Variants in SYNE3 observed in about 807,000 individuals in gnomAD.
SYNE3 encodes nesprin-3.
A neutral mutation model predicts 111.2 loss-of-function variants in SYNE3; 100 were observed. The observed-to-expected ratio is 0.90, with a 90% CI of 0.77 to 1.06. SYNE3 has a LOEUF of 1.06. Among genes scored for constraint, SYNE3 ranks in the 50% least tolerant of loss-of-function variants. SYNE3 has a pLI of 0.00. For missense variants in SYNE3, 1,160 were observed against 1,240.3 expected (o/e 0.94, Z 0.97); for synonymous variants, 547 against 533.9 (o/e 1.02, Z -0.34).
At chr14:95,427,379 C>A (rs1030939247) in intron 17 of SYNE3, among the ~76,000 whole-genome samples, 1 of 152,190 alleles carries the variant, frequency 6.6e-6, no homozygotes, top group Admixed American at 6.5e-5. Context: ...GGCCTGACAT[C>A]AGTCAGGCCC....
chr14:95,479,849 G>C (rs985497178), intron 1 of SYNE3, among the ~76,000 whole-genome samples: 1 of 152,120 alleles, frequency 6.6e-6, no homozygotes, highest in Non-Finnish European at 1.5e-5. Context: ...GAAGGGGCGG[G>C]TAGGAGACAG....
At chr14:95,428,984 T>C (rs923295808) in intron 17 of SYNE3, among the ~76,000 whole-genome samples, 2 of 152,198 alleles carry the variant, frequency 1.3e-5, no homozygotes, top group Admixed American at 6.5e-5. Context: ...ATATGTGGAA[T>C]GTTTTCAAGT....
In SYNE3 at chr14:95,450,058, A is replaced by G; in HGVS notation, c.1322T>C (p.Leu441Pro). The G allele has an allele frequency of 6.4e-7, 1 of 1,569,492 alleles. No homozygotes were observed. Among genetic ancestry groups the G allele is most frequent in the Non-Finnish European group, 8.6e-7 (1 of 1,157,146 alleles). ...CAGAGGCCGCTGGAAATGCTGCCAC[A>G]GCTCCACCGCCGCGGCATTGCGCAG... is the stretch of plus-strand genomic sequence containing the variant. ...ARLRNAAAVE[L>P]WQHFQRPLQD... Residue 441 changes from leucine (L) to proline (P), a missense_variant, in exon 8 of 18, where the codon CTG becomes CCG. Physicochemically the swap from Leu to Pro is moderately conservative, Grantham distance 98. Coordinates refer to ENST00000682763, the MANE Select transcript of SYNE3 (RefSeq NM_152592.6).
Position 95,416,723 on chromosome 14 carries a change from G to A in SYNE3, c.*1103C>T, listed in dbSNP as rs1234790343. On this transcript the variant is annotated 3_prime_UTR_variant, in exon 18 of 18. Transcript: ENST00000682763. ...CTGTCTCCAGAGTCTTTTCTGGGAAGCGGAAGGAGAGCCCTTGAGACAGGC... is the reference window on the plus strand; with the variant it reads ...CTGTCTCCAGAGTCTTTTCTGGGAAACGGAAGGAGAGCCCTTGAGACAGGC... The A allele has an allele frequency of 6.6e-6, 1 of 152,396 alleles. No individual in the cohort carries two copies. The highest frequency in any genetic ancestry group is 1.9e-4 in the East Asian group (1 of 5,202). 9.4% of individuals were successfully genotyped at this position (152,396 alleles called of 1,614,324 possible). A position where few individuals can be genotyped will look rare whatever the true frequency, so the allele number is the denominator to read the frequency against.
At position 95,500,532 on chromosome 14, in the gene SYNE3, G is replaced by A. The variant is rs376009120; in HGVS notation, c.-15+16064C>T. ...TCTGGGACTTTGCTTTGGCCCAGCC[G>A]GACTCAGCGGGAGGAGGCTGCCTTC... On this transcript the variant is annotated intron_variant, in intron 1 of 17. Coordinates refer to ENST00000682763, the MANE Select transcript of SYNE3 (RefSeq NM_152592.6). The surrounding 1 kb of genome is among the most constrained non-coding windows in gnomAD (Gnocchi z 4.7). 5.3e-4 allele frequency among the ~76,000 whole-genome samples: 80 copies of A among 152,186 alleles called. No individual in the cohort carries two copies. Among genetic ancestry groups the A allele is most frequent in the Non-Finnish European group, 2.5e-4 (17 of 68,030 alleles).
chr14:95,474,423 C>G (rs1888754590), intron 2 of SYNE3, among the ~76,000 whole-genome samples: 1 of 152,222 alleles, frequency 6.6e-6, no homozygotes, highest in Admixed American at 6.5e-5. Context: ...CCTCACCCAC[C>G]TGCACAGCCC....
chr14:95,455,456 C>T lies in SYNE3; in HGVS notation c.1058G>A (p.Arg353Lys), dbSNP rs748070235. 4.6e-5 allele frequency: 74 copies of T among 1,608,748 alleles called. No individual in the cohort carries two copies. Among genetic ancestry groups the T allele is most frequent in the Non-Finnish European group, 6.3e-5 (74 of 1,177,324 alleles). Residue 353 changes from arginine (R) to lysine (K), a missense_variant, in exon 6 of 18, where the codon AGG (arginine) becomes AAG (lysine). Physicochemically the swap from Arg to Lys is conservative, Grantham distance 26. Transcript: ENST00000682763. ...AGGCTGCAGGCCCTCCTGGGCCAGC[C>T]TCTGCAGGACCATCCTGAACTCACT... is the stretch of plus-strand genomic sequence containing the variant. Reference protein sequence around the residue: ...ELSEFRMVLQRLAQEGLQPAA... With the variant: ...ELSEFRMVLQKLAQEGLQPAA...
At chr14:95,427,980 T>C (rs111309853) in intron 17 of SYNE3, among the ~76,000 whole-genome samples, 15 of 152,310 alleles carry the variant, frequency 9.8e-5, no homozygotes, top group African/African-American at 3.6e-4. Flanking sequence ...TCTAAGACGC[T>C]GATTATAAAG....
chr14:95,510,297 A>G (rs960811518), intron 1 of SYNE3, among the ~76,000 whole-genome samples: 1 of 152,144 alleles, frequency 6.6e-6, no homozygotes, highest in South Asian at 2.1e-4. Context: ...GGTAGAGAGC[A>G]AGGGCTGAGA....
chr14:95,467,654 TG>T, intron 3 of SYNE3, 140 bp downstream of exon 3: 1 of 983,200 alleles, frequency 1.0e-6, no homozygotes, highest in Non-Finnish European at 1.5e-6. Flanking sequence ...CAGGCAGGGC[TG>T]GCCCTAATCC....
In SYNE3 at chr14:95,458,540, G is replaced by A. The variant is rs182467520; in HGVS notation, c.628-1202C>T. Among the ~76,000 whole-genome samples the A allele has an allele frequency of 3.9e-5, 6 of 152,206 alleles. No individual in the cohort carries two copies. The East Asian group carries it at 7.7e-4, about 20-fold the overall frequency. On this transcript the variant is annotated intron_variant, in intron 4 of 17. Coordinates refer to ENST00000682763, the MANE Select transcript of SYNE3 (RefSeq NM_152592.6). Reference sequence around the variant, plus strand: ...TCCAAGCTCTTCTCACACCTCCAGCGGGTAACCAACTGCAGTACTAACCCC... The same window carrying A: ...TCCAAGCTCTTCTCACACCTCCAGCAGGTAACCAACTGCAGTACTAACCCC...
rs554681012 is a variant in SYNE3 at position 95,444,754 on chromosome 14, C to G, written c.1633-126G>C. 1.5e-5 allele frequency: 18 copies of G among 1,235,228 alleles called. No homozygotes were observed. The East Asian group carries it at 3.7e-4, about 25-fold the overall frequency. The allele number at this position is 1,235,228 out of a possible 1,614,324, so 76.5% of individuals were successfully genotyped here. A position where few individuals can be genotyped will look rare whatever the true frequency, so the allele number is the denominator to read the frequency against. On this transcript the variant is annotated intron_variant, in intron 9 of 17. Transcript: ENST00000682763. ...GCTCATGCTCATTCAGGCGCCACCC[C>G]CTCCAGGAAGCCTTCCCTGAGCCCT... is the stretch of plus-strand genomic sequence containing the variant.
rs1437101439 is a variant in SYNE3, at chr14:95,470,916, A to ACACTGCACTCCAGCCATCACAC, written c.145-2971_145-2950dup. Among the ~76,000 whole-genome samples, 33 of 151,450 alleles carry ACACTGCACTCCAGCCATCACAC rather than the reference A, an allele frequency of 2.2e-4. No individual in the cohort carries two copies. Among genetic ancestry groups the ACACTGCACTCCAGCCATCACAC allele is most frequent in the African/African-American group, 7.8e-4 (32 of 41,274 alleles). ...GATGTTGCAGTGAGCCGAGATCACAACACTGCACTCCAGCCATCACACCAC... is the reference window on the plus strand; with the variant it reads ...GATGTTGCAGTGAGCCGAGATCACAACACTGCACTCCAGCCATCACACCACTGCACTCCAGCCATCACACCAC... On this transcript the variant is annotated intron_variant, in intron 2 of 17. Coordinates refer to ENST00000682763, the MANE Select transcript of SYNE3 (RefSeq NM_152592.6). This position sits in a 1 kb window ranked among gnomAD's most constrained non-coding sequence, Gnocchi z 4.2.
rs1308401443 is a variant in SYNE3 at position 95,411,853 on chromosome 14, G to A, written c.*5973C>T. 1 of 152,308 alleles carries A rather than the reference G, an allele frequency of 6.6e-6. No individual in the cohort carries two copies. The highest frequency in any genetic ancestry group is 2.4e-5 in the African/African-American group (1 of 41,478). 9.4% of individuals were successfully genotyped at this position (152,308 alleles called of 1,614,324 possible). On this transcript the variant is annotated 3_prime_UTR_variant, in exon 18 of 18. Coordinates refer to ENST00000682763, the MANE Select transcript of SYNE3 (RefSeq NM_152592.6). Reference sequence around the variant, plus strand: ...CAGGAAAGGGCAAGAGATTATCCTTGAGCATGGACACGCCAACCCAGATGA... The same window carrying A: ...CAGGAAAGGGCAAGAGATTATCCTTAAGCATGGACACGCCAACCCAGATGA...
intron 1 of SYNE3, among the ~76,000 whole-genome samples, chr14:95,479,522 G>A (rs1416455705): frequency 2.0e-5 from 3 of 152,110 alleles, no homozygotes; most frequent in Admixed American, 6.5e-5. Flanking sequence ...GCTCAAGGTT[G>A]GGGGAGCATA....
In SYNE3 at chr14:95,410,066, G is replaced by A. The variant is rs182351325; in HGVS notation, c.*7760C>T. On this transcript the variant is annotated 3_prime_UTR_variant, in exon 18 of 18. Coordinates refer to ENST00000682763, the MANE Select transcript of SYNE3 (RefSeq NM_152592.6). ...GGTGCTCACCGCCAGGACAAAGACG[G>A]GAGGGGCTGTTCCTGCACAAAAACT... 2.7e-3 allele frequency: 409 copies of A among 153,308 alleles called. 2 individuals are homozygous for A. The highest frequency in any genetic ancestry group is 3.7e-3 in the Non-Finnish European group (256 of 68,804). 9.5% of individuals were successfully genotyped at this position (153,308 alleles called of 1,614,324 possible).
intron 17 of SYNE3, among the ~76,000 whole-genome samples, chr14:95,424,141 C>T (rs1177104354): frequency 6.6e-6 from 1 of 152,170 alleles, no homozygotes; most frequent in African/African-American, 2.4e-5. Flanking sequence ...AGTCTGAAGA[C>T]AGTGCATAAC....
chr14:95,455,287 C>T, intron 6 of SYNE3, 90 bp downstream of exon 6: 1 of 1,079,986 alleles, frequency 9.3e-7, no homozygotes, highest in Non-Finnish European at 1.3e-6. Context: ...CAGGGCTCAG[C>T]CCGATTCTCC....
chr14:95,481,735 C>T (rs769211431), intron 1 of SYNE3, among the ~76,000 whole-genome samples: 3 of 152,246 alleles, frequency 2.0e-5, no homozygotes, highest in African/African-American at 4.8e-5. Context: ...CAGGCCAGGG[C>T]TGCCCCTGTG....
Sources: allele counts gnomAD v4.1 joint callset (sites outside exome capture counted in the v4.1 genomes callset), GRCh38; gene constraint gnomAD v4.1.1; non-coding constraint Gnocchi (gnomAD v3.1); transcripts MANE v1.5; gene names NCBI Gene and HGNC (gene_info 2026-07-23, HGNC 2026-07-21).